Variants in SEPTIN9 observed in about 807,000 individuals in gnomAD.
SEPTIN9 encodes the protein septin-9.
Under a neutral mutation model 56.6 loss-of-function variants are expected in SEPTIN9, and 13 were observed. The observed-to-expected ratio is 0.23, with a 90% confidence interval of 0.15 to 0.37. The LOEUF (loss-of-function observed/expected upper bound fraction) is 0.37. Ranked by LOEUF, SEPTIN9 falls within the 10% of genes least tolerant of loss-of-function variation. SEPTIN9 has a pLI of 1.00. For missense variants in SEPTIN9, 650 were observed against 823.1 expected (o/e 0.79, Z 2.57); for synonymous variants, 332 against 334.1 (o/e 0.99, Z 0.07).
chr17:77,291,979 G>A (rs749968150), intron 1 of SEPTIN9, among the ~76,000 whole-genome samples: 3 of 152,102 alleles, frequency 2.0e-5, no homozygotes, highest in Admixed American at 2.0e-4. Flanking sequence ...GTCCCCCTGC[G>A]AAGGCCCAGG....
rs904329662 is a variant in SEPTIN9, at chr17:77,435,891, C to T, written c.721+33188C>T. 1.3e-5 allele frequency among the ~76,000 whole-genome samples: 2 copies of T among 152,212 alleles called. No homozygotes were observed. Among genetic ancestry groups the T allele is most frequent in the African/African-American group, 2.4e-5 (1 of 41,452 alleles). ...CTGCCTCTGTGTAATCCCTAAAGCA[C>T]GGACTTCTTAGGGGCTTCCATTCCT... is the stretch of plus-strand genomic sequence containing the variant. On this transcript the variant is annotated intron_variant, in intron 3 of 11. Coordinates refer to ENST00000427177, the MANE Select transcript of SEPTIN9 (RefSeq NM_001113491.2). The surrounding 1 kb of genome is among the most constrained non-coding windows in gnomAD (Gnocchi z 4.5).
chr17:77,458,622 C>G (rs2038322889), intron 3 of SEPTIN9, among the ~76,000 whole-genome samples: 1 of 152,214 alleles, frequency 6.6e-6, no homozygotes, highest in African/African-American at 2.4e-5. Flanking sequence ...ACTGAAGAGG[C>G]TCAGCACGGA....
In SEPTIN9 at chr17:77,388,145, C is replaced by T. The variant is rs79546075; in HGVS notation, c.77-13914C>T. The stretch of plus-strand genomic sequence containing the variant: ...GGTCCTCCCAGGGGCCCGCCCTGCC[C>T]GCTAGGTTTCCAGGGAGCTTTTCAA... On this transcript the variant is annotated intron_variant, in intron 2 of 11. Coordinates refer to ENST00000427177, the MANE Select transcript of SEPTIN9 (RefSeq NM_001113491.2). Among the ~76,000 whole-genome samples, 1,799 of 152,280 alleles carry T rather than the reference C, an allele frequency of 0.012. 99 individuals are homozygous for T. The East Asian group carries it at 0.16, about 14-fold the overall frequency.
At chr17:77,417,706 A>G (rs182384659) in intron 3 of SEPTIN9, among the ~76,000 whole-genome samples, 1 of 152,356 alleles carries the variant, frequency 6.6e-6, no homozygotes, top group Admixed American at 6.5e-5. Flanking sequence ...TTTTGTTCAC[A>G]AATGTTTGCC....
rs142236455 is a variant in SEPTIN9, at chr17:77,310,767, C to T, written c.76+3570C>T. On this transcript the variant is annotated intron_variant, in intron 2 of 11. Transcript: ENST00000427177. This position sits in a 1 kb window ranked among gnomAD's most constrained non-coding sequence, Gnocchi z 4.7. ...CTTTTGCCCTGTTTCCCACGGTGCA[C>T]GGAGCATTTCATCTCAGTGGTGCCT... 1.3e-3 allele frequency among the ~76,000 whole-genome samples: 192 copies of T among 152,258 alleles called. 1 individual carries two copies. The highest frequency in any genetic ancestry group is 3.9e-3 in the African/African-American group (163 of 41,550).
intron 1 of SEPTIN9, among the ~76,000 whole-genome samples, chr17:77,303,065 C>T (rs960129528): frequency 2.2e-4 from 33 of 152,034 alleles, no homozygotes; most frequent in African/African-American, 8.0e-4. Flanking sequence ...CTTCTGCTGT[C>T]TTTTGCCATA....
intron 3 of SEPTIN9, 124 bp from the exon 4 acceptor site, chr17:77,482,020 G>A (rs1333735092): frequency 3.2e-6 from 3 of 928,438 alleles, no homozygotes; most frequent in Non-Finnish European, 4.7e-6. Flanking sequence ...TGGGCAAGTC[G>A]CTTAGCCTTT....
intron 3 of SEPTIN9, among the ~76,000 whole-genome samples, chr17:77,461,269 GC>G (rs1442167727): frequency 2.0e-5 from 3 of 152,092 alleles, no homozygotes; most frequent in Non-Finnish European, 4.4e-5. Context: ...TCACACCACT[GC>G]ACTCCAGCCT....
At chr17:77,320,751 T>C (rs1029736858) in intron 2 of SEPTIN9, among the ~76,000 whole-genome samples, 2 of 152,248 alleles carry the variant, frequency 1.3e-5, no homozygotes, top group African/African-American at 2.4e-5. Context: ...GTTTGTTTTT[T>C]GCTTCCAGCC....
chr17:77,484,994 G>GGGTGATGGTAATGTGGGTGA (rs1448607974), intron 4 of SEPTIN9, among the ~76,000 whole-genome samples: 2 of 37,882 alleles, frequency 5.3e-5, no homozygotes, highest in Non-Finnish European at 5.3e-5. Flanking sequence ...GATTGTGATG[G>GGGTGATGGTAATGTGGGTGA]TGGTGAAGGG....
In SEPTIN9 at chr17:77,319,621, C is replaced by T. The variant is rs2032831546; in HGVS notation, c.76+12424C>T. On this transcript the variant is annotated intron_variant, in intron 2 of 11. Coordinates refer to ENST00000427177, the MANE Select transcript of SEPTIN9 (RefSeq NM_001113491.2). The surrounding 1 kb of genome is among the most constrained non-coding windows in gnomAD (Gnocchi z 5.3). ...CTCAGCACGCTGGCCTGGGGCACGG[C>T]CGTTCCTCCTGCCCAGCCACGTTGG... The T allele has an allele frequency of 9.4e-7, 1 of 1,062,242 alleles. No homozygotes were observed. Among genetic ancestry groups the T allele is most frequent in the Non-Finnish European group, 1.1e-6 (1 of 877,422 alleles). 65.8% of individuals were successfully genotyped at this position (1,062,242 alleles called of 1,614,324 possible).
intron 2 of SEPTIN9, among the ~76,000 whole-genome samples, chr17:77,357,872 C>A (rs1211000605): frequency 1.3e-5 from 2 of 152,210 alleles, no homozygotes; most frequent in African/African-American, 2.4e-5. Context: ...GGGTCAGAAC[C>A]CCAAGCCCTA....
intron 2 of SEPTIN9, among the ~76,000 whole-genome samples, chr17:77,382,629 G>A (rs2143975434): frequency 6.6e-6 from 1 of 152,380 alleles, no homozygotes; most frequent in Non-Finnish European, 1.5e-5. Context: ...AGAGGCAGAG[G>A]GAGCTGCAGG....
chr17:77,346,701 AC>A (rs1205806229), intron 2 of SEPTIN9, among the ~76,000 whole-genome samples: 1 of 152,166 alleles, frequency 6.6e-6, no homozygotes, highest in Non-Finnish European at 1.5e-5. Context: ...ATTGCTAGTT[AC>A]CAGTGTTCTT....
intron 2 of SEPTIN9, chr17:77,373,410 G>A (rs2034791822): frequency 1.3e-5 from 16 of 1,266,362 alleles, no homozygotes; most frequent in Non-Finnish European, 1.6e-5. Flanking sequence ...CGCGGGCGCG[G>A]CGCCCCAGCC....
At chr17:77,463,508 T>C (rs1317271937) in intron 3 of SEPTIN9, among the ~76,000 whole-genome samples, 2 of 152,194 alleles carry the variant, frequency 1.3e-5, no homozygotes, top group African/African-American at 2.4e-5. Context: ...ATTCTGTTTA[T>C]AGCATTCCAT....
chr17:77,329,150 T>C lies in SEPTIN9; in HGVS notation c.76+21953T>C, dbSNP rs754971737. On this transcript the variant is annotated intron_variant, in intron 2 of 11. Transcript: ENST00000427177. The surrounding 1 kb of genome is among the most constrained non-coding windows in gnomAD (Gnocchi z 4.3). The stretch of plus-strand genomic sequence containing the variant: ...GGTGAGGGCTTGATTTTATTCTCAC[T>C]ATGGTGGGACCTCAGTGCCCTGTGG... 3.3e-5 allele frequency among the ~76,000 whole-genome samples: 5 copies of C among 152,128 alleles called. No individual in the cohort carries two copies. Among genetic ancestry groups the C allele is most frequent in the African/African-American group, 4.8e-5 (2 of 41,430 alleles).
intron 2 of SEPTIN9, among the ~76,000 whole-genome samples, chr17:77,364,383 A>G (rs2034510614): frequency 6.6e-6 from 1 of 152,236 alleles, no homozygotes. Context: ...TTGGTGACAT[A>G]AAACCTTCTG....
In SEPTIN9 at chr17:77,310,298, A is replaced by G. The variant is rs375442337; in HGVS notation, c.76+3101A>G. Among the ~76,000 whole-genome samples, 399 of 152,104 alleles carry G rather than the reference A, an allele frequency of 2.6e-3. 1 individual carries two copies. Among genetic ancestry groups the G allele is most frequent in the African/African-American group, 8.9e-3 (368 of 41,498 alleles). On this transcript the variant is annotated intron_variant, in intron 2 of 11. Coordinates refer to ENST00000427177, the MANE Select transcript of SEPTIN9 (RefSeq NM_001113491.2). This position sits in a 1 kb window ranked among gnomAD's most constrained non-coding sequence, Gnocchi z 4.7. ...CATCCGGCCTGGTCTCCTCTTGCAT[A>G]CGGTCATCAGCATCGTGTGACTGAG... is the stretch of plus-strand genomic sequence containing the variant.
Sources: gnomAD v4.1 joint callset for allele counts (sites outside exome capture counted in the v4.1 genomes callset) on GRCh38, gnomAD v4.1.1 for gene constraint, Gnocchi (gnomAD v3.1) non-coding constraint, MANE v1.5 for transcripts, NCBI Gene and HGNC (gene_info 2026-07-23, HGNC 2026-07-21) for gene names.